RAB8B: variants seen among roughly 807,000 people sequenced by gnomAD.
RAB8B encodes RAB8B, member RAS oncogene family.
A neutral mutation model predicts 32.0 loss-of-function variants in RAB8B; 11 were observed. The ratio of observed to expected loss-of-function variants is 0.34; its 90% CI spans 0.22 to 0.57. The LOEUF (loss-of-function observed/expected upper bound fraction) is 0.57. Among genes scored for constraint, RAB8B ranks in the 20% least tolerant of loss-of-function variants. The pLI, the probability that RAB8B is intolerant of heterozygous loss-of-function variation, is 0.86. For missense variants in RAB8B, 190 were observed against 258.5 expected (o/e 0.73, Z 1.82); for synonymous variants, 103 against 89.6 (o/e 1.15, Z -0.85).
intron 1 of RAB8B, among the ~76,000 whole-genome samples, chr15:63,229,863 G>A (rs1232490732): frequency 6.8e-6 from 1 of 148,084 alleles, no homozygotes; most frequent in East Asian, 2.0e-4. Context: ...ACCCTATAAA[G>A]TTAGTAGAGT....
At chr15:63,262,826 CAAATT>C (rs2038213986) in intron 7 of RAB8B, 84 bp downstream of exon 7, 3 of 531,966 alleles carry the variant, frequency 5.6e-6, no homozygotes, top group Non-Finnish European at 5.8e-6. Context: ...ATAAGATACT[CAAATT>C]AAACTCATTT....
rs374125650 is a variant in RAB8B, at chr15:63,262,317, GATGA to G, written c.481-366_481-363del. Among the ~76,000 whole-genome samples the G allele has an allele frequency of 4.2e-3, 646 of 152,124 alleles. 3 individuals are homozygous for G. The highest frequency in any genetic ancestry group is 0.015 in the African/African-American group (622 of 41,486). ...ATTATATCACATGAAGAAAATATTT[GATGA>G]ATGAATGATAGTTTGATAACATTGG... On this transcript the variant is annotated intron_variant, in intron 6 of 7. Transcript: ENST00000321437.
chr15:63,226,693 T>C (rs1219259895), intron 1 of RAB8B, among the ~76,000 whole-genome samples: 1 of 152,188 alleles, frequency 6.6e-6, no homozygotes, highest in African/African-American at 2.4e-5. Flanking sequence ...CTTAACTTCT[T>C]TGTGTTACAG....
Position 63,196,574 on chromosome 15 carries a change from A to C in RAB8B, c.124+6826A>C, listed in dbSNP as rs1461892018. Among the ~76,000 whole-genome samples the C allele has an allele frequency of 9.2e-5, 14 of 152,188 alleles. No individual in the cohort carries two copies. In the East Asian group the frequency reaches 2.5e-3, roughly 27 times the overall value. On this transcript the variant is annotated intron_variant, in intron 1 of 7. Coordinates refer to ENST00000321437, the MANE Select transcript of RAB8B (RefSeq NM_016530.3). ...AAAATCAAGTCATATTCGCCTTTTA[A>C]ATCTCCAAGGCCTGTATTAAATGTC...
chr15:63,263,608 T>A lies in RAB8B; in HGVS notation c.613T>A (p.Ser205Thr). 1 of 1,607,924 alleles carries A rather than the reference T, an allele frequency of 6.2e-7. No homozygotes were observed. The highest frequency in any genetic ancestry group is 8.5e-7 in the Non-Finnish European group (1 of 1,174,332). Reference sequence around the variant, plus strand: ...AAAGAAGACCAGTTTCTTTCGTTGCTCGCTACTTTGATGAACTCTTTCTGA... The same window carrying A: ...AAAGAAGACCAGTTTCTTTCGTTGCACGCTACTTTGATGAACTCTTTCTGA... ...RSKKTSFFRC[S>T]LL Residue 205 changes from serine to threonine, a missense_variant, in exon 8 of 8, where the codon TCG becomes ACG. Coordinates refer to ENST00000321437, the MANE Select transcript of RAB8B (RefSeq NM_016530.3).
At chr15:63,223,293 G>A (rs778854927) in intron 1 of RAB8B, among the ~76,000 whole-genome samples, 4 of 151,908 alleles carry the variant, frequency 2.6e-5, no homozygotes, top group Non-Finnish European at 2.9e-5. Flanking sequence ...TGTATTTTTA[G>A]TAGAGACGGG....
chr15:63,198,681 G>A (rs140663758), intron 1 of RAB8B, among the ~76,000 whole-genome samples: 2 of 152,286 alleles, frequency 1.3e-5, no homozygotes, highest in African/African-American at 4.8e-5. Flanking sequence ...GAACTTGGCG[G>A]TAATTATTTT....
At chr15:63,261,256 A>G (rs541727844) in intron 6 of RAB8B, among the ~76,000 whole-genome samples, 1 of 152,350 alleles carries the variant, frequency 6.6e-6, no homozygotes, top group Admixed American at 6.5e-5. Context: ...GGCTTTTATC[A>G]AAGAGATAGG....
intron 5 of RAB8B, among the ~76,000 whole-genome samples, chr15:63,257,787 G>A (rs573943446): frequency 4.6e-5 from 7 of 151,934 alleles, no homozygotes; most frequent in Non-Finnish European, 5.9e-5. Flanking sequence ...AAGGCCTGGC[G>A]CAGTGGCTCA....
chr15:63,251,421 A>G (rs2038115740), intron 3 of RAB8B: 1 of 417,348 alleles, frequency 2.4e-6, no homozygotes, highest in Admixed American at 2.7e-5. Flanking sequence ...TGATGTGCTG[A>G]CACCATTTGC....
At chr15:63,191,356 T>A (rs1297968904) in intron 1 of RAB8B, among the ~76,000 whole-genome samples, 1 of 152,240 alleles carries the variant, frequency 6.6e-6, no homozygotes, top group Non-Finnish European at 1.5e-5. Flanking sequence ...GGCTATGGTT[T>A]GTTTGCTCAT....
rs1191755399 is a variant in RAB8B, at chr15:63,255,508, G to A, written c.248G>A (p.Gly83Asp). The A allele has an allele frequency of 6.3e-7, 1 of 1,591,792 alleles. No homozygotes were observed. Residue 83 changes from glycine (G) to aspartate (D), a missense_variant and splice_region_variant, in exon 4 of 8, where the codon GGC becomes GAC. This residue lies in a region of RAB8B where 80 missense variants were observed against 142.6 expected (regional missense o/e 0.56). Transcript: ENST00000321437. Reference sequence around the variant, plus strand: ...TAAAGATATTTTTCCCCCTTATAGGGCATTATGCTGGTCTATGACATCACA... The same window carrying A: ...TAAAGATATTTTTCCCCCTTATAGGACATTATGCTGGTCTATGACATCACA... Reference protein sequence around the residue: ...ITTAYYRGAMGIMLVYDITNE... With the variant: ...ITTAYYRGAMDIMLVYDITNE...
intron 1 of RAB8B, among the ~76,000 whole-genome samples, chr15:63,241,432 T>C (rs2038031250): frequency 6.6e-6 from 1 of 152,230 alleles, no homozygotes; most frequent in Admixed American, 6.5e-5. Flanking sequence ...ACAGTAGGCA[T>C]TTTGAAAGTC....
intron 1 of RAB8B, among the ~76,000 whole-genome samples, chr15:63,205,774 T>G (rs1278156268): frequency 6.6e-6 from 1 of 152,252 alleles, no homozygotes; most frequent in Non-Finnish European, 1.5e-5. Context: ...AGGTCCAGTC[T>G]GTTCCCTAAA....
In RAB8B at chr15:63,262,728, C is replaced by A; in HGVS notation, c.517C>A (p.Leu173Ile). 6.9e-7 allele frequency: 1 copy of A among 1,453,552 alleles called. No individual in the cohort carries two copies. The highest frequency in any genetic ancestry group is 1.5e-5 in the South Asian group (1 of 68,300). 90.0% of individuals were successfully genotyped at this position (1,453,552 alleles called of 1,614,324 possible). A position where few individuals can be genotyped will look rare whatever the true frequency, so the allele number is the denominator to read the frequency against. Residue 173 changes from leucine to isoleucine, a missense_variant, in exon 7 of 8, where the codon CTC (leucine) becomes ATC (isoleucine). Leu to Ile is a conservative substitution (Grantham distance 5, BLOSUM62 2). Transcript: ENST00000321437. ...FTLARDIMTK[L>I]NRKMNDSNSA... ...ACTTGCACGAGATATAATGACAAAA[C>A]TCAACAGAAAAATGGTTTGTATCAC...
chr15:63,247,730 T>C (rs1299187737), intron 2 of RAB8B, among the ~76,000 whole-genome samples: 1 of 152,186 alleles, frequency 6.6e-6, no homozygotes, highest in Non-Finnish European at 1.5e-5. Flanking sequence ...CTGTATTTCT[T>C]TTTTGAACTC....
At chr15:63,197,365 C>CTTTTTTTTTTTTTTTTTT (rs2037610287) in intron 1 of RAB8B, among the ~76,000 whole-genome samples, 1 of 85,574 alleles carries the variant, frequency 1.2e-5, no homozygotes, top group African/African-American at 4.8e-5. Flanking sequence ...TTCTTTCTTT[C>CTTTTTTTTTTTTTTTTTT]TTTTCTTTTT....
chr15:63,249,997 G>A (rs577882007), intron 3 of RAB8B, among the ~76,000 whole-genome samples: 25 of 152,180 alleles, frequency 1.6e-4, no homozygotes, highest in African/African-American at 5.5e-4. Context: ...TTAGCCGGGC[G>A]CGGTGGTGGG....
intron 1 of RAB8B, among the ~76,000 whole-genome samples, chr15:63,230,820 C>T (rs934980892): frequency 2.6e-5 from 4 of 152,164 alleles, no homozygotes; most frequent in South Asian, 2.1e-4. Context: ...CTCTGTCTCC[C>T]GAGTAGCTAG....
Sources: allele counts gnomAD v4.1 joint callset (sites outside exome capture counted in the v4.1 genomes callset), GRCh38; gene constraint gnomAD v4.1.1; regional missense constraint gnomAD v4.1.1; transcripts MANE v1.5; gene names NCBI Gene and HGNC (gene_info 2026-07-23, HGNC 2026-07-21).